The following KAT6A variants were observed in gnomAD, a reference collection of about 807,000 sequenced individuals.
The protein encoded by KAT6A is lysine acetyltransferase 6A, also known as histone acetyltransferase KAT6A.
In KAT6A, 9 loss-of-function variants were observed where a neutral mutation model predicts 198.4. The observed-to-expected ratio is 0.05, with a 90% CI of 0.03 to 0.08. KAT6A has a LOEUF of 0.08. Among genes scored for constraint, KAT6A ranks in the 10% least tolerant of loss-of-function variants. KAT6A has a pLI of 1.00. For missense variants in KAT6A, 2,077 were observed against 2,509.9 expected, an observed-to-expected ratio of 0.83 and a Z score of 3.69; for synonymous variants, 890 against 883.0, an observed-to-expected ratio of 1.01 and a Z score of -0.14.
chr8:41,960,301 C>T (rs769751723), intron 8 of KAT6A, among the ~76,000 whole-genome samples: 4 of 151,774 alleles, frequency 2.6e-5, no homozygotes, highest in South Asian at 2.1e-4. Context: ...CTGGTTAGGC[C>T]GGGCGCAGTG....
rs776790910 is a variant in KAT6A at position 42,007,183 on chromosome 8, AG to A, written c.601-19621del. ...TAACTTTATTATTCTACAATGACAC[AG>A]TTTATATAGACAATATAGAATCCTC... is the stretch of plus-strand genomic sequence containing the variant. On this transcript the variant is annotated intron_variant, in intron 2 of 16. Coordinates refer to ENST00000265713, the MANE Select transcript of KAT6A (RefSeq NM_006766.5). Among the ~76,000 whole-genome samples, 411 of 149,634 alleles carry A rather than the reference AG, an allele frequency of 2.7e-3. 2 individuals carry two copies. The highest frequency in any genetic ancestry group is 3.9e-3 in the Non-Finnish European group (262 of 67,136).
At chr8:42,016,756 G>C (rs1826290552) in intron 2 of KAT6A, among the ~76,000 whole-genome samples, 1 of 152,050 alleles carries the variant, frequency 6.6e-6, no homozygotes, top group Non-Finnish European at 1.5e-5. Flanking sequence ...AGCACTTACA[G>C]GTCAAAACTT....
intron 2 of KAT6A, among the ~76,000 whole-genome samples, chr8:42,041,701 G>A (rs538966363): frequency 2.0e-5 from 3 of 151,270 alleles, no homozygotes; most frequent in East Asian, 1.9e-4. Flanking sequence ...CTGGGCCACC[G>A]CACTCCAGCC....
chr8:42,027,703 A>G (rs1203940572), intron 2 of KAT6A, among the ~76,000 whole-genome samples: 1 of 151,926 alleles, frequency 6.6e-6, no homozygotes, highest in Non-Finnish European at 1.5e-5. Flanking sequence ...CCTCGCTAGC[A>G]GTTTATCAAT....
chr8:42,042,447 A>C (rs1019244121), intron 2 of KAT6A, among the ~76,000 whole-genome samples: 1 of 152,064 alleles, frequency 6.6e-6, no homozygotes, highest in African/African-American at 2.4e-5. Flanking sequence ...ATCTCTCAAA[A>C]AAAAAAAAAA....
chr8:41,977,223 T>C lies in KAT6A; in HGVS notation c.1148A>G (p.Tyr383Cys), dbSNP rs779715729. ...GTCCAAGCCATCTATCCGCTCTAAA[T>C]ATCCTTCTTCTGATGATGATGATGC... ...QSASSSSEEG[Y>C]LERIDGLDFC... Residue 383 changes from tyrosine to cysteine, a missense_variant, in exon 7 of 17, where the codon TAT becomes TGT. Physicochemically the swap from Tyr to Cys is radical, Grantham distance 194 (BLOSUM62 -2). This residue lies in a region of KAT6A where 206 missense variants were observed against 214.9 expected (regional missense o/e 0.96). Coordinates refer to ENST00000265713, the MANE Select transcript of KAT6A (RefSeq NM_006766.5). The C allele has an allele frequency of 2.5e-6, 4 of 1,614,216 alleles. No homozygotes were observed. The highest frequency in any genetic ancestry group is 3.3e-4 in the Middle Eastern group (2 of 6,062).
Position 41,998,907 on chromosome 8 carries a change from T to C in KAT6A, c.601-11344A>G, listed in dbSNP as rs575975563. Among the ~76,000 whole-genome samples the C allele has an allele frequency of 3.9e-5, 6 of 152,276 alleles. No individual in the cohort carries two copies. In the East Asian group the frequency reaches 9.6e-4, roughly 24 times the overall value. On this transcript the variant is annotated intron_variant, in intron 2 of 16. Coordinates refer to ENST00000265713, the MANE Select transcript of KAT6A (RefSeq NM_006766.5). Reference sequence around the variant, plus strand: ...TATAATTTCCATTACTTATAGTATATAACTTTCTATAATTTTAATCAATTC... The same window carrying C: ...TATAATTTCCATTACTTATAGTATACAACTTTCTATAATTTTAATCAATTC...
At chr8:41,948,418 C>T (rs1214740597) in intron 10 of KAT6A, among the ~76,000 whole-genome samples, 1 of 152,104 alleles carries the variant, frequency 6.6e-6, no homozygotes, top group Non-Finnish European at 1.5e-5. Context: ...TAACTATTGC[C>T]ACGCAGAAGC....
intron 2 of KAT6A, among the ~76,000 whole-genome samples, chr8:42,026,502 T>C (rs1396295505): frequency 6.6e-6 from 1 of 152,204 alleles, no homozygotes; most frequent in Non-Finnish European, 1.5e-5. Context: ...GTTAAATTTA[T>C]AACTAGGTTT....
intron 2 of KAT6A, among the ~76,000 whole-genome samples, chr8:42,006,733 T>C (rs1825768467): frequency 6.6e-6 from 1 of 152,136 alleles, no homozygotes; most frequent in Admixed American, 6.5e-5. Context: ...CACAGTGTCA[T>C]GCCTGTAATC....
chr8:41,962,960 CAG>C (rs954465817), intron 8 of KAT6A, among the ~76,000 whole-genome samples: 1 of 152,106 alleles, frequency 6.6e-6, no homozygotes, highest in African/African-American at 2.4e-5. Context: ...TGCTAAATGT[CAG>C]AGAGACAGTC....
chr8:42,049,204 A>G lies in KAT6A; in HGVS notation c.-227T>C, dbSNP rs1316298551. On this transcript the variant is annotated 5_prime_UTR_variant, in exon 2 of 17. Transcript: ENST00000265713. Reference sequence around the variant, plus strand: ...GAAATGTCTTCCAACTTCCCAATGAATTTCTCAATAGCACCACACATGGGT... The same window carrying G: ...GAAATGTCTTCCAACTTCCCAATGAGTTTCTCAATAGCACCACACATGGGT... 2 of 509,560 alleles carry G rather than the reference A, an allele frequency of 3.9e-6. No individual in the cohort carries two copies. Among genetic ancestry groups the G allele is most frequent in the Non-Finnish European group, 6.9e-6 (2 of 290,402 alleles). The allele number at this position is 509,560 out of a possible 1,614,324, so 31.6% of individuals were successfully genotyped here. A position where few individuals can be genotyped will look rare whatever the true frequency, so the allele number is the denominator to read the frequency against.
chr8:41,943,467 A>G (rs767570512), intron 13 of KAT6A, among the ~76,000 whole-genome samples: 6 of 152,174 alleles, frequency 3.9e-5, no homozygotes, highest in Non-Finnish European at 7.4e-5. Context: ...GTATTGTGAA[A>G]GAGCTCCCAA....
At chr8:41,994,299 T>G (rs145617464) in intron 2 of KAT6A, among the ~76,000 whole-genome samples, 2,010 of 152,268 alleles carry the variant, frequency 0.013, 21 homozygotes, top group Non-Finnish European at 0.021. Context: ...GTCCAATTGC[T>G]TCCATCTCAG....
At chr8:42,020,639 A>G (rs1246580601) in intron 2 of KAT6A, among the ~76,000 whole-genome samples, 1 of 152,238 alleles carries the variant, frequency 6.6e-6, no homozygotes, top group East Asian at 1.9e-4. Context: ...ATGATTTAAG[A>G]TAATTACTCA....
chr8:41,948,121 A>G (rs983196507), intron 10 of KAT6A, among the ~76,000 whole-genome samples: 2 of 152,240 alleles, frequency 1.3e-5, no homozygotes, highest in Non-Finnish European at 2.9e-5. Context: ...ATAAAACCTC[A>G]TACCTTCAAC....
intron 10 of KAT6A, among the ~76,000 whole-genome samples, chr8:41,948,987 T>C (rs1024666136): frequency 6.6e-6 from 1 of 152,244 alleles, no homozygotes; most frequent in Admixed American, 6.5e-5. Flanking sequence ...GTGATAGAAA[T>C]CCTTTCATTT....
chr8:41,964,399 G>A (rs1823355071), intron 8 of KAT6A, among the ~76,000 whole-genome samples: 1 of 151,772 alleles, frequency 6.6e-6, no homozygotes, highest in East Asian at 1.9e-4. Context: ...CCACCCACTG[G>A]GAATACACCT....
intron 11 of KAT6A, among the ~76,000 whole-genome samples, chr8:41,947,550 T>C (rs1822458699): frequency 6.6e-6 from 1 of 152,166 alleles, no homozygotes; most frequent in African/African-American, 2.4e-5. Flanking sequence ...CAGTCCATAA[T>C]CCTAGGAGAA....
Sources: allele counts gnomAD v4.1 joint callset (sites outside exome capture counted in the v4.1 genomes callset), GRCh38; gene constraint gnomAD v4.1.1; regional missense constraint gnomAD v4.1.1; transcripts MANE v1.5; gene names NCBI Gene and HGNC (gene_info 2026-07-23, HGNC 2026-07-21).